Variants in C10orf105 observed in about 807,000 individuals in gnomAD.
C10orf105 encodes uncharacterized protein C10orf105.
A neutral mutation model predicts 0.6 loss-of-function variants in C10orf105; 2 were observed. That is an observed-to-expected ratio of 3.18 (90% CI 1.30 to 10.01). The LOEUF is 10.01. Among genes scored for constraint, C10orf105 ranks in the 30% most tolerant of loss-of-function variants. The pLI is 0.04. For synonymous variants in C10orf105, 95 were observed against 82.4 expected (o/e 1.15, Z -0.83); for missense variants, 209 against 191.4 (o/e 1.09, Z -0.54).
In C10orf105 at chr10:71,712,521, A is replaced by C. The variant is rs879198974; in HGVS notation, c.*3415T>G. 2 of 758,230 alleles carry C rather than the reference A, an allele frequency of 2.6e-6. No homozygotes were observed. Among genetic ancestry groups the C allele is most frequent in the South Asian group, 3.6e-5 (2 of 54,904 alleles). The allele number at this position is 758,230 out of a possible 1,614,324, so 47.0% of individuals were successfully genotyped here. A position where few individuals can be genotyped will look rare whatever the true frequency, so the allele number is the denominator to read the frequency against. On this transcript the variant is annotated 3_prime_UTR_variant, in exon 2 of 2. Transcript: ENST00000441508. ...TGTTAGTGTTATTCCTAAGCTAAAA[A>C]GGAAGTCACCCCTTGCAAAGGCTAG...
chr10:71,721,244 C>T (rs953932362), upstream of C10orf105, among the ~76,000 whole-genome samples: 4 of 152,218 alleles, frequency 2.6e-5, no homozygotes, highest in African/African-American at 9.6e-5. Context: ...CACCCTGTTA[C>T]ATCCCTCCAC....
intron 1 of C10orf105, among the ~76,000 whole-genome samples, chr10:71,718,618 G>T (rs1283417647): frequency 2.0e-5 from 3 of 152,250 alleles, no homozygotes; most frequent in Admixed American, 6.5e-5. Flanking sequence ...CCTGGACAAT[G>T]CTTGGCCAGG....
chr10:71,725,261 C>G lies in C10orf105; in HGVS notation c.-5-8919G>C, dbSNP rs1202072442. The stretch of plus-strand genomic sequence containing the variant: ...TTCTGTGTCCCAGAAGACCCGCAGC[C>G]TCCTCACAAGGAGGGGACTGGTGAA... On this transcript the variant is annotated intron_variant, in intron 1 of 1. Coordinates refer to the C10orf105 transcript ENST00000398786. 13 of 1,537,540 alleles carry G rather than the reference C, an allele frequency of 8.5e-6. No individual in the cohort carries two copies. The Admixed American group carries it at 2.2e-4, about 26-fold the overall frequency.
At chr10:71,732,611 C>T (rs1589383120) in intron 1 of C10orf105, 13 of 1,395,012 alleles carry the variant, frequency 9.3e-6, no homozygotes, top group Non-Finnish European at 1.2e-5. Flanking sequence ...CCAGCCCGGG[C>T]AACAGAGTGA....
intron 1 of C10orf105, among the ~76,000 whole-genome samples, chr10:71,728,020 C>CT (rs1866892713): frequency 1.3e-5 from 2 of 152,294 alleles, no homozygotes; most frequent in South Asian, 4.1e-4. Context: ...TGCCACCTCT[C>CT]TCATCTTGTC....
At chr10:71,724,418 G>A (rs61852056), upstream of C10orf105, among the ~76,000 whole-genome samples, 24,532 of 152,130 alleles carry the variant, frequency 0.16, 2,208 homozygotes, top group South Asian at 0.33. Flanking sequence ...TCAGCCTCCC[G>A]TCCCCAGTAG....
At position 71,725,353 on chromosome 10, in the gene C10orf105, G is replaced by A. The variant is rs568956139; in HGVS notation, c.-5-9011C>T. On this transcript the variant is annotated intron_variant, in intron 1 of 1. Transcript: ENST00000398786. ...TCTGGGCAGGGCCGGTGTTCCAGGG[G>A]GTCTGTCCCTCCACACAGGTAACCA... 5.6e-6 allele frequency: 9 copies of A among 1,614,014 alleles called. No individual in the cohort carries two copies. The highest frequency in any genetic ancestry group is 2.7e-5 in the African/African-American group (2 of 75,036).
chr10:71,730,134 G>T (rs1178830913), intron 1 of C10orf105, among the ~76,000 whole-genome samples: 2 of 152,178 alleles, frequency 1.3e-5, no homozygotes, highest in Admixed American at 1.3e-4. Context: ...ACCGCGCCCG[G>T]CCGAATTATT....
intron 1 of C10orf105, among the ~76,000 whole-genome samples, chr10:71,729,395 G>A (rs1186513626): frequency 1.3e-5 from 2 of 152,202 alleles, no homozygotes; most frequent in African/African-American, 4.8e-5. Context: ...GTCATGGAGG[G>A]AGCTAGGCCT....
At chr10:71,733,370 A>G (rs1175799670) in intron 1 of C10orf105, among the ~76,000 whole-genome samples, 3 of 152,194 alleles carry the variant, frequency 2.0e-5, no homozygotes, top group African/African-American at 7.2e-5. Flanking sequence ...CATAGGTACG[A>G]TCAATTATTA....
At chr10:71,731,017 G>A (rs993110439) in intron 1 of C10orf105, among the ~76,000 whole-genome samples, 5 of 152,340 alleles carry the variant, frequency 3.3e-5, no homozygotes, top group South Asian at 4.1e-4. Context: ...CCTAGCACAC[G>A]CAGACCCCCT....
In C10orf105 at chr10:71,715,073, C is replaced by G. The variant is rs1866148676; in HGVS notation, c.*863G>C. On this transcript the variant is annotated 3_prime_UTR_variant, in exon 2 of 2. Coordinates refer to ENST00000441508, the MANE Select transcript of C10orf105 (RefSeq NM_001164375.3). Reference sequence around the variant, plus strand: ...GCTGTCCTGGAGAGGTCCAGACCATCCCACCCTCGGGGAGGCTGCCGCTTT... The same window carrying G: ...GCTGTCCTGGAGAGGTCCAGACCATGCCACCCTCGGGGAGGCTGCCGCTTT... The G allele has an allele frequency of 6.6e-6, 1 of 152,252 alleles. No homozygotes were observed. The highest frequency in any genetic ancestry group is 2.4e-5 in the African/African-American group (1 of 41,438). The allele number at this position is 152,252 out of a possible 1,614,324, so 9.4% of individuals were successfully genotyped here.
chr10:71,737,833 A>G (rs1839610924), upstream of C10orf105: 1 of 465,606 alleles, frequency 2.1e-6, no homozygotes, highest in Admixed American at 2.3e-5. Flanking sequence ...AGCCACAGAC[A>G]CAAAACAATA....
At position 71,715,786 on chromosome 10, in the gene C10orf105, G is replaced by T; in HGVS notation, c.*150C>A. 1 of 671,822 alleles carries T rather than the reference G, an allele frequency of 1.5e-6. No individual in the cohort carries two copies. The highest frequency in any genetic ancestry group is 2.3e-6 in the Non-Finnish European group (1 of 429,196). The allele number at this position is 671,822 out of a possible 1,614,324, so 41.6% of individuals were successfully genotyped here. A position where few individuals can be genotyped will look rare whatever the true frequency, so the allele number is the denominator to read the frequency against. ...GGATCATCTTTGGGAAAGGGCGCTG[G>T]CCTGGGCATGCAAGGAGCTTCGGGG... On this transcript the variant is annotated 3_prime_UTR_variant, in exon 2 of 2. Transcript: ENST00000441508.
chr10:71,724,049 A>C, upstream of C10orf105: 1 of 1,559,106 alleles, frequency 6.4e-7, no homozygotes, highest in Non-Finnish European at 8.7e-7. Context: ...CCTCAGCTGA[A>C]AGCCACGGAC....
intron 1 of C10orf105, chr10:71,731,910 T>G (rs1589382312): frequency 6.7e-7 from 1 of 1,491,752 alleles, no homozygotes; most frequent in South Asian, 1.3e-5. Context: ...GGGGTATGGG[T>G]GTGGCAGCTT....
chr10:71,716,049 G>T lies in C10orf105; in HGVS notation c.289C>A (p.Arg97Ser), dbSNP rs376837205. 167 of 1,508,292 alleles carry T rather than the reference G, an allele frequency of 1.1e-4. No homozygotes were observed. Among genetic ancestry groups the T allele is most frequent in the Non-Finnish European group, 1.1e-4 (121 of 1,125,302 alleles). 93.4% of individuals were successfully genotyped at this position (1,508,292 alleles called of 1,614,324 possible). Residue 97 changes from arginine (R) to serine (S), a missense_variant, in exon 2 of 2, where the codon CGC becomes AGC. By Grantham distance (110) the Arg-to-Ser change is moderately radical. Coordinates refer to ENST00000441508, the MANE Select transcript of C10orf105 (RefSeq NM_001164375.3). ...TGGCGGAAGCTGTGCAGGGAGAGGC[G>T]CAAGGAGCCCAGGCGCTTCCAGAGC... ...LRLWKRLGSL[R>S]LSLHSFRHGR...
intron 1 of C10orf105, chr10:71,725,300 C>A (rs1866755861): frequency 6.2e-7 from 1 of 1,606,990 alleles, no homozygotes; most frequent in Non-Finnish European, 8.5e-7. Context: ...CTGCCCCCAA[C>A]CATGGCAGGC....
At chr10:71,736,333 C>G (rs1839564327) in intron 1 of C10orf105, among the ~76,000 whole-genome samples, 1 of 152,168 alleles carries the variant, frequency 6.6e-6, no homozygotes, top group African/African-American at 2.4e-5. Flanking sequence ...GGAAGGGGCC[C>G]TTTAAAGGTG....
Sources: allele counts gnomAD v4.1 joint callset (sites outside exome capture counted in the v4.1 genomes callset), GRCh38; gene constraint gnomAD v4.1.1; transcripts MANE v1.5; gene names NCBI Gene and HGNC (gene_info 2026-07-23, HGNC 2026-07-21).